The following NHSL1 variants were observed in gnomAD, a reference collection of about 807,000 sequenced individuals.
The protein encoded by NHSL1 is NHS-like protein 1.
Under a neutral mutation model 95.0 loss-of-function variants are expected in NHSL1, and 48 were observed. The ratio of observed to expected loss-of-function variants is 0.51; its 90% CI spans 0.40 to 0.64. NHSL1 has a LOEUF of 0.64. Among genes scored for constraint, NHSL1 ranks in the 30% least tolerant of loss-of-function variants. The pLI, the probability that NHSL1 is intolerant of heterozygous loss-of-function variation, is 0.00. For missense variants in NHSL1, 1,971 were observed against 2,077.7 expected (o/e 0.95, Z 1.00); for synonymous variants, 783 against 833.9 (o/e 0.94, Z 1.05).
chr6:138,574,425 C>T (rs948491589), upstream of NHSL1, among the ~76,000 whole-genome samples: 8 of 152,074 alleles, frequency 5.3e-5, no homozygotes, highest in African/African-American at 1.2e-4. Flanking sequence ...CACTGGTTCA[C>T]GAGACCCCCG....
chr6:138,543,956 A>G (rs1289222764), intron 1 of NHSL1, among the ~76,000 whole-genome samples: 4 of 152,320 alleles, frequency 2.6e-5, no homozygotes, highest in East Asian at 3.9e-4. Context: ...ATCACATGCC[A>G]TACGTTTGAG....
intron 1 of NHSL1, among the ~76,000 whole-genome samples, chr6:138,689,722 C>T (rs1388649600): frequency 4.6e-5 from 7 of 151,866 alleles, no homozygotes; most frequent in African/African-American, 7.3e-5. Flanking sequence ...GTGGAATTAA[C>T]GGTCACAGTT....
chr6:138,663,705 A>C (rs1223981036), intron 1 of NHSL1, among the ~76,000 whole-genome samples: 1 of 152,092 alleles, frequency 6.6e-6, no homozygotes, highest in Middle Eastern at 3.2e-3. Context: ...CCCCATCTCT[A>C]CTAAAAAATA....
rs574827937 is a variant in NHSL1, at chr6:138,424,325, G to A, written c.4577C>T (p.Ser1526Leu). 9 of 1,532,398 alleles carry A rather than the reference G, an allele frequency of 5.9e-6. No homozygotes were observed. Among genetic ancestry groups the A allele is most frequent in the Admixed American group, 2.0e-5 (1 of 49,202 alleles). The allele number at this position is 1,532,398 out of a possible 1,614,324, so 94.9% of individuals were successfully genotyped here. The change falls in exon 8 of 8, where the codon TCG becomes TTG. Residue 1526 changes from serine (S) to leucine (L), a missense_variant. Ser to Leu is a moderately radical substitution (Grantham distance 145). Around this residue, in one of 3 missense-constraint regions of NHSL1, gnomAD observed 223 missense variants for 217.0 expected, o/e 1.03. Coordinates refer to ENST00000343505, the MANE Select transcript of NHSL1 (RefSeq NM_001144060.2). The surrounding 1 kb of genome is among the most constrained non-coding windows in gnomAD (Gnocchi z 5.9). ...RIQSSPMTVISEGEGEAVEPV... is the reference protein window; with the variant it reads ...RIQSSPMTVILEGEGEAVEPV... ...CTCCACGGCTTCCCCTTCTCCCTCC[G>A]AGATGACGGTCATGGGGCTGCTCTG...
At chr6:138,574,554 C>T (rs1421451565), upstream of NHSL1, among the ~76,000 whole-genome samples, 6 of 151,470 alleles carry the variant, frequency 4.0e-5, no homozygotes, top group South Asian at 8.4e-4. Context: ...TGGCTGGGCA[C>T]GGTGGCTTAC....
intron 1 of NHSL1, among the ~76,000 whole-genome samples, chr6:138,513,621 C>T (rs539793719): frequency 6.6e-6 from 1 of 152,246 alleles, no homozygotes; most frequent in East Asian, 1.9e-4. Context: ...AAGGAAGAAG[C>T]AAGAGTTATC....
chr6:138,652,282 A>C (rs925071790), intron 1 of NHSL1, among the ~76,000 whole-genome samples: 1 of 151,988 alleles, frequency 6.6e-6, no homozygotes, highest in African/African-American at 2.4e-5. Flanking sequence ...ACTCTACTAA[A>C]AATACAAAAT....
At chr6:138,655,380 C>T (rs1161991631) in intron 1 of NHSL1, among the ~76,000 whole-genome samples, 2 of 152,166 alleles carry the variant, frequency 1.3e-5, no homozygotes, top group African/African-American at 4.8e-5. Context: ...AACCGCTCTC[C>T]CGCTTGACCC....
rs1396030678 is a variant in NHSL1, at chr6:138,424,505, C to G, written c.4397G>C (p.Ser1466Thr). The part of the protein sequence containing the change: ...PSPDAPESPS[S>T]CSPSKNRRAQ... The stretch of plus-strand genomic sequence containing the variant: ...CCTTCTGTTCTTGCTTGGGGAGCAG[C>G]TTGACGGGCTCTCGGGGGCATCTGG... The change falls in exon 8 of 8, where the codon AGC (serine) becomes ACC (threonine). Residue 1466 changes from serine to threonine, a missense_variant. Physicochemically the swap from Ser to Thr is moderately conservative, Grantham distance 58. Transcript: ENST00000343505. This position sits in a 1 kb window ranked among gnomAD's most constrained non-coding sequence, Gnocchi z 5.9. 6.4e-7 allele frequency: 1 copy of G among 1,551,694 alleles called. No individual in the cohort carries two copies. Among genetic ancestry groups the G allele is most frequent in the Non-Finnish European group, 8.7e-7 (1 of 1,146,984 alleles).
rs113286892 is a variant in NHSL1 at position 138,564,855 on chromosome 6, G to A, written c.202+6855C>T. Among the ~76,000 whole-genome samples, 27 of 152,224 alleles carry A rather than the reference G, an allele frequency of 1.8e-4. 1 individual carries two copies. The highest frequency in any genetic ancestry group is 5.1e-4 in the African/African-American group (21 of 41,540). On this transcript the variant is annotated intron_variant, in intron 1 of 6. Coordinates refer to the NHSL1 transcript ENST00000427025. ...AGAAGACTTCACAGAGTTTTAAAGC[G>A]AGTCTAGAAGGATAAGTAGGAGGTC... is the stretch of plus-strand genomic sequence containing the variant.
chr6:138,470,285 C>A (rs1249452977), intron 3 of NHSL1, among the ~76,000 whole-genome samples: 2 of 152,080 alleles, frequency 1.3e-5, no homozygotes, highest in South Asian at 4.2e-4. Context: ...CAAGATTAAC[C>A]TGAATTTTTA....
In NHSL1 at chr6:138,422,312, T is replaced by G. The variant is rs1448440544; in HGVS notation, c.*1769A>C. 1 of 152,260 alleles carries G rather than the reference T, an allele frequency of 6.6e-6. No individual in the cohort carries two copies. The highest frequency in any genetic ancestry group is 1.5e-5 in the Non-Finnish European group (1 of 68,042). The allele number at this position is 152,260 out of a possible 1,614,324, so 9.4% of individuals were successfully genotyped here. A position where few individuals can be genotyped will look rare whatever the true frequency, so the allele number is the denominator to read the frequency against. On this transcript the variant is annotated 3_prime_UTR_variant, in exon 8 of 8. Transcript: ENST00000343505. ...TTAGTAGACAATTGCTCCAAATCTC[T>G]GGTCTTGACTTCCGGTTGTGTGAAG...
chr6:138,556,589 G>A (rs1173250840), intron 1 of NHSL1, among the ~76,000 whole-genome samples: 1 of 150,140 alleles, frequency 6.7e-6, no homozygotes, highest in Admixed American at 6.7e-5. Context: ...GCAAAATGGG[G>A]ATTATAGCAT....
At chr6:138,531,767 C>A (rs1012798714) in intron 1 of NHSL1, among the ~76,000 whole-genome samples, 3 of 152,060 alleles carry the variant, frequency 2.0e-5, no homozygotes, top group Non-Finnish European at 2.9e-5. Context: ...GCCTGCCTAG[C>A]CTTCTAAAGT....
intron 1 of NHSL1, among the ~76,000 whole-genome samples, chr6:138,556,177 T>C (rs1309360047): frequency 6.6e-6 from 1 of 152,138 alleles, no homozygotes; most frequent in African/African-American, 2.4e-5. Flanking sequence ...CTAAAGTTGA[T>C]TTCTCTCATT....
At chr6:138,508,277 G>A (rs182541272) in intron 1 of NHSL1, among the ~76,000 whole-genome samples, 7 of 152,290 alleles carry the variant, frequency 4.6e-5, no homozygotes, top group East Asian at 3.9e-4. Context: ...CTGCAAAGTC[G>A]CTCTAGTGCA....
At chr6:138,441,345 C>T (rs1342027066) in intron 5 of NHSL1, among the ~76,000 whole-genome samples, 1 of 152,014 alleles carries the variant, frequency 6.6e-6, no homozygotes, top group Non-Finnish European at 1.5e-5. Flanking sequence ...AGGGATTATC[C>T]AAAGCATTTA....
chr6:138,684,788 C>G (rs959327087), intron 1 of NHSL1, among the ~76,000 whole-genome samples: 3 of 152,164 alleles, frequency 2.0e-5, no homozygotes, highest in African/African-American at 7.2e-5. Flanking sequence ...AAGTGCAGAC[C>G]ACAAATGAAA....
At chr6:138,463,937 CT>C (rs974472329) in intron 3 of NHSL1, among the ~76,000 whole-genome samples, 5 of 152,294 alleles carry the variant, frequency 3.3e-5, no homozygotes, top group South Asian at 4.2e-4. Flanking sequence ...TTGTATGATG[CT>C]TGTTTGTTCA....
Sources: gnomAD v4.1 joint callset for allele counts (sites outside exome capture counted in the v4.1 genomes callset) on GRCh38, gnomAD v4.1.1 for gene constraint, gnomAD v4.1.1 regional missense constraint, Gnocchi (gnomAD v3.1) non-coding constraint, MANE v1.5 for transcripts, NCBI Gene and HGNC (gene_info 2026-07-23, HGNC 2026-07-21) for gene names.